Variants in PTPRG observed in about 807,000 individuals in gnomAD.
PTPRG encodes receptor-type tyrosine-protein phosphatase gamma.
In PTPRG, 102 loss-of-function variants were observed where a neutral mutation model predicts 165.3. The observed-to-expected ratio is 0.62, with a 90% CI of 0.53 to 0.73. The LOEUF (loss-of-function observed/expected upper bound fraction) is 0.73. PTPRG is among the 30% of genes least tolerant of loss of function. The pLI is 0.00. For missense variants in PTPRG, 1,866 were observed against 1,861.4 expected (o/e 1.00, Z -0.05); for synonymous variants, 675 against 669.5 (o/e 1.01, Z -0.13).
In PTPRG at chr3:61,753,565, C is replaced by A. The variant is rs185160441; in HGVS notation, c.190+4583C>A. On this transcript the variant is annotated intron_variant, in intron 2 of 29. Coordinates refer to ENST00000474889, the MANE Select transcript of PTPRG (RefSeq NM_002841.4). ...AAAATAAATCATAAATCTAGAGTAACTTCAAGTAGAAATTTGAGGGTTTTT... is the reference window on the plus strand; with the variant it reads ...AAAATAAATCATAAATCTAGAGTAAATTCAAGTAGAAATTTGAGGGTTTTT... The A allele has an allele frequency of 6.8e-6, 3 of 439,882 alleles. No individual in the cohort carries two copies. In the East Asian group the frequency reaches 2.2e-4, roughly 32 times the overall value. 27.2% of individuals were successfully genotyped at this position (439,882 alleles called of 1,614,324 possible).
At chr3:61,591,166 T>A (rs1255112659) in intron 1 of PTPRG, among the ~76,000 whole-genome samples, 1 of 152,260 alleles carries the variant, frequency 6.6e-6, no homozygotes, top group Non-Finnish European at 1.5e-5. Flanking sequence ...ACAGTCTTTA[T>A]ATGTACCTCC....
chr3:62,260,916 C>G (rs1177919162), intron 16 of PTPRG: 1 of 152,110 alleles, frequency 6.6e-6, no homozygotes, highest in Non-Finnish European at 1.5e-5. Flanking sequence ...TGTCATTCAT[C>G]TAATTGGAAA....
chr3:61,846,628 T>C (rs548975433), intron 2 of PTPRG, among the ~76,000 whole-genome samples: 4 of 150,818 alleles, frequency 2.7e-5, no homozygotes, highest in African/African-American at 9.9e-5. Context: ...AGAGAGACAA[T>C]ATTTTTATTG....
intron 2 of PTPRG, among the ~76,000 whole-genome samples, chr3:61,850,870 A>C (rs1332829433): frequency 6.6e-6 from 1 of 152,188 alleles, no homozygotes; most frequent in East Asian, 1.9e-4. Flanking sequence ...CCTTTGTATG[A>C]AACAGGATAT....
intron 5 of PTPRG, among the ~76,000 whole-genome samples, chr3:62,094,856 C>T (rs1702057491): frequency 6.6e-6 from 1 of 152,224 alleles, no homozygotes; most frequent in African/African-American, 2.4e-5. Context: ...TCTGCTCATG[C>T]CTGGCTGTGT....
intron 26 of PTPRG, among the ~76,000 whole-genome samples, chr3:62,280,224 A>T (rs570047453): frequency 1.3e-5 from 2 of 152,106 alleles, no homozygotes; most frequent in East Asian, 3.9e-4. Flanking sequence ...AATCTTCCAA[A>T]AAAGTTCTAT....
At chr3:61,738,015 TCTC>T (rs781030678) in intron 1 of PTPRG, among the ~76,000 whole-genome samples, 45 of 150,130 alleles carry the variant, frequency 3.0e-4, no homozygotes, top group Non-Finnish European at 5.8e-4. Flanking sequence ...TTCACGCCAT[TCTC>T]CTGCCTCAGC....
intron 7 of PTPRG, among the ~76,000 whole-genome samples, chr3:62,166,622 C>T (rs2106729694): frequency 6.6e-6 from 1 of 152,170 alleles, no homozygotes; most frequent in East Asian, 1.9e-4. Flanking sequence ...AGGCATGAGC[C>T]ACCGGGCCTG....
At position 62,292,504 on chromosome 3, in the gene PTPRG, T is replaced by TA. The variant is rs1170657477; in HGVS notation, c.4139_4140insA (p.Phe1380LeufsTer19). 3 of 1,613,740 alleles carry TA rather than the reference T, an allele frequency of 1.9e-6. No individual in the cohort carries two copies. In the South Asian group the frequency reaches 3.3e-5, roughly 18 times the overall value. On this transcript the variant is annotated frameshift_variant, in exon 29 of 30. Coordinates refer to ENST00000474889, the MANE Select transcript of PTPRG (RefSeq NM_002841.4). LOFTEE classifies it high-confidence loss of function. Reference sequence around the variant, plus strand: ...GAGAATGAAAATGCTGTGGATGTTTTCCAGGTTGCAAAAATGATCAATCTT... The same window carrying TA: ...GAGAATGAAAATGCTGTGGATGTTTTACCAGGTTGCAAAAATGATCAATCTT...
At chr3:61,880,843 C>T (rs910760256) in intron 2 of PTPRG, among the ~76,000 whole-genome samples, 1 of 151,906 alleles carries the variant, frequency 6.6e-6, no homozygotes, top group South Asian at 2.1e-4. Flanking sequence ...GAGTAGTAAC[C>T]AGTAGTGGGA....
chr3:61,953,065 C>T (rs1025688231), intron 2 of PTPRG, among the ~76,000 whole-genome samples: 2 of 152,070 alleles, frequency 1.3e-5, no homozygotes, highest in Non-Finnish European at 1.5e-5. Context: ...CTTAATTTCT[C>T]GCCCTTTCTA....
At chr3:62,000,528 G>A (rs968673509) in intron 3 of PTPRG, among the ~76,000 whole-genome samples, 8 of 152,140 alleles carry the variant, frequency 5.3e-5, no homozygotes, top group African/African-American at 1.2e-4. Context: ...GCATGCAAAT[G>A]TTTACATATT....
At chr3:62,097,505 T>TG (rs1559502020) in intron 5 of PTPRG, among the ~76,000 whole-genome samples, 1 of 149,860 alleles carries the variant, frequency 6.7e-6, no homozygotes, top group African/African-American at 2.4e-5. Context: ...CGATTGGTGG[T>TG]GGGGGGCATA....
chr3:61,675,447 A>T (rs532979703), intron 1 of PTPRG, among the ~76,000 whole-genome samples: 1 of 105,516 alleles, frequency 9.5e-6, no homozygotes, highest in East Asian at 3.2e-4. Context: ...TATATGGTTC[A>T]TGATAGAAAA....
chr3:61,658,142 A>G (rs990225834), intron 1 of PTPRG, among the ~76,000 whole-genome samples: 4 of 152,190 alleles, frequency 2.6e-5, no homozygotes, highest in African/African-American at 9.7e-5. Context: ...TGTTCAGGTC[A>G]TTGTTCTGGC....
chr3:61,796,625 G>T (rs1282769210), intron 2 of PTPRG, among the ~76,000 whole-genome samples: 1 of 152,180 alleles, frequency 6.6e-6, no homozygotes, highest in African/African-American at 2.4e-5. Flanking sequence ...TTTGTTGCCC[G>T]CACCTTTGCC....
chr3:62,040,870 A>G (rs942977040), intron 4 of PTPRG, among the ~76,000 whole-genome samples: 5 of 152,214 alleles, frequency 3.3e-5, no homozygotes, highest in Admixed American at 2.6e-4. Flanking sequence ...GCCTCTGCAT[A>G]TATAGAGGAG....
chr3:62,015,816 G>T (rs181569208), intron 4 of PTPRG, among the ~76,000 whole-genome samples: 447 of 152,298 alleles, frequency 2.9e-3, no homozygotes, highest in Middle Eastern at 0.01. Flanking sequence ...TTTGAAGGCA[G>T]AAGATGCTCG....
chr3:61,808,458 T>C (rs2035479592), intron 2 of PTPRG, among the ~76,000 whole-genome samples: 1 of 152,148 alleles, frequency 6.6e-6, no homozygotes, highest in Non-Finnish European at 1.5e-5. Flanking sequence ...CATATGTAGG[T>C]GGGCTCTTGG....
Sources: gnomAD v4.1 joint callset for allele counts (sites outside exome capture counted in the v4.1 genomes callset) on GRCh38, gnomAD v4.1.1 for gene constraint, MANE v1.5 for transcripts, NCBI Gene and HGNC (gene_info 2026-07-23, HGNC 2026-07-21) for gene names.